The following EML5 variants were observed in gnomAD, a reference collection of about 807,000 sequenced individuals.
EML5 encodes EMAP like 5.
Under a neutral mutation model 250.0 loss-of-function variants are expected in EML5, and 120 were observed. The observed-to-expected ratio is 0.48, with a 90% CI of 0.41 to 0.56. The LOEUF (loss-of-function observed/expected upper bound fraction) is 0.56. EML5 is among the 20% of genes least tolerant of loss of function. EML5 has a pLI of 0.00. For synonymous variants in EML5, 771 were observed against 806.5 expected (o/e 0.96, Z 0.75); for missense variants, 2,006 against 2,437.6 (o/e 0.82, Z 3.73).
intron 1 of EML5, among the ~76,000 whole-genome samples, chr14:88,763,669 A>G (rs1375988998): frequency 6.6e-6 from 1 of 152,252 alleles, no homozygotes; most frequent in African/African-American, 2.4e-5. Context: ...GGCCGGCATC[A>G]TCCTGATACC....
rs760364509 is a variant in EML5 at position 88,714,933 on chromosome 14, T to C, written c.1444+6A>G. 2 of 1,608,948 alleles carry C rather than the reference T, an allele frequency of 1.2e-6. No homozygotes were observed. The highest frequency in any genetic ancestry group is 1.7e-6 in the Non-Finnish European group (2 of 1,177,450). ...TACAAATCTATAATTTGCTAGAAAT[T>C]GTTACCTGGCATTCTATAAAAAAGT... On this transcript the variant is annotated splice_donor_region_variant and intron_variant, in intron 9 of 43. Coordinates refer to ENST00000554922, the MANE Select transcript of EML5 (RefSeq NM_183387.3).
Position 88,744,094 on chromosome 14 carries a change from G to A in EML5, c.457-3C>T. 1 of 1,553,044 alleles carries A rather than the reference G, an allele frequency of 6.4e-7. No homozygotes were observed. Among genetic ancestry groups the A allele is most frequent in the South Asian group, 1.2e-5 (1 of 83,262 alleles). ...AAATCCCAAGAAATATCAAATATCT[G>A]TAAACAAATCAGATTCATGATTAAA... On this transcript the variant is annotated splice_polypyrimidine_tract_variant and splice_region_variant and intron_variant, in intron 3 of 43. Transcript: ENST00000554922.
chr14:88,761,676 T>C (rs2094245938), intron 1 of EML5, among the ~76,000 whole-genome samples: 1 of 152,228 alleles, frequency 6.6e-6, no homozygotes, highest in Non-Finnish European at 1.5e-5. Context: ...TGTGTCTTTA[T>C]AGTAGAATGA....
At chr14:88,694,929 T>C (rs1880307793) in intron 16 of EML5, among the ~76,000 whole-genome samples, 1 of 152,066 alleles carries the variant, frequency 6.6e-6, no homozygotes, top group Non-Finnish European at 1.5e-5. Context: ...AAAAAATACA[T>C]GCTCACTGTA....
chr14:88,641,989 C>G (rs961513651), intron 31 of EML5, among the ~76,000 whole-genome samples: 8 of 152,044 alleles, frequency 5.3e-5, no homozygotes, highest in African/African-American at 1.9e-4. Context: ...TTTAAATGGC[C>G]CAAATTATTA....
rs1449520801 is a variant in EML5, at chr14:88,615,143, A to G, written c.*675T>C. ...AGAGATGGCATCTGAACATAAACTG[A>G]TGGCTCGAAAATGAAAATGGAAATG... is the stretch of plus-strand genomic sequence containing the variant. On this transcript the variant is annotated 3_prime_UTR_variant, in exon 44 of 44. Coordinates refer to ENST00000554922, the MANE Select transcript of EML5 (RefSeq NM_183387.3). 1 of 152,194 alleles carries G rather than the reference A, an allele frequency of 6.6e-6. No individual in the cohort carries two copies. The highest frequency in any genetic ancestry group is 2.4e-5 in the African/African-American group (1 of 41,460). 9.4% of individuals were successfully genotyped at this position (152,194 alleles called of 1,614,324 possible). A position where few individuals can be genotyped will look rare whatever the true frequency, so the allele number is the denominator to read the frequency against.
intron 7 of EML5, among the ~76,000 whole-genome samples, chr14:88,727,299 G>C (rs944912902): frequency 6.6e-6 from 1 of 151,934 alleles, no homozygotes; most frequent in African/African-American, 2.4e-5. Flanking sequence ...TTGTAAATGT[G>C]TCACTGAAAT....
intron 9 of EML5, among the ~76,000 whole-genome samples, chr14:88,712,963 C>A (rs749016206): frequency 6.6e-6 from 1 of 152,020 alleles, no homozygotes; most frequent in Admixed American, 6.6e-5. Flanking sequence ...CTTTAGGACC[C>A]GGTCAGTCTT....
chr14:88,791,490 T>A (rs2094607686), intron 1 of EML5, among the ~76,000 whole-genome samples: 1 of 152,206 alleles, frequency 6.6e-6, no homozygotes, highest in African/African-American at 2.4e-5. Flanking sequence ...ACTAAGACAC[T>A]GATTGAAAAT....
intron 4 of EML5, among the ~76,000 whole-genome samples, chr14:88,742,528 T>C (rs936932019): frequency 1.3e-5 from 2 of 152,164 alleles, no homozygotes; most frequent in Non-Finnish European, 2.9e-5. Context: ...TTTATTTAGT[T>C]TGAGATAAGC....
intron 1 of EML5, among the ~76,000 whole-genome samples, chr14:88,768,469 G>A (rs1194371785): frequency 1.3e-5 from 2 of 151,598 alleles, no homozygotes; most frequent in African/African-American, 4.9e-5. Context: ...GGAGTGCAAT[G>A]GCGCAATCTT....
At chr14:88,717,753 T>G (rs1352258038) in intron 8 of EML5, among the ~76,000 whole-genome samples, 1 of 111,888 alleles carries the variant, frequency 8.9e-6, no homozygotes, top group Non-Finnish European at 1.7e-5. Flanking sequence ...AGACTCCGTC[T>G]CAAAACAACA....
At position 88,620,721 on chromosome 14, in the gene EML5, A is replaced by G; in HGVS notation, c.5375+33T>C. 3 of 1,492,432 alleles carry G rather than the reference A, an allele frequency of 2.0e-6. No individual in the cohort carries two copies. The highest frequency in any genetic ancestry group is 2.7e-6 in the Non-Finnish European group (3 of 1,125,594). The allele number at this position is 1,492,432 out of a possible 1,614,324, so 92.4% of individuals were successfully genotyped here. On this transcript the variant is annotated intron_variant, in intron 39 of 43. Coordinates refer to ENST00000554922, the MANE Select transcript of EML5 (RefSeq NM_183387.3). The surrounding 1 kb of genome is among the most constrained non-coding windows in gnomAD (Gnocchi z 4.3). Reference sequence around the variant, plus strand: ...TACAAATGGAAGTTAAATCAAGTATATACTAGAAACTCTATTCCATTTGTT... The same window carrying G: ...TACAAATGGAAGTTAAATCAAGTATGTACTAGAAACTCTATTCCATTTGTT...
At chr14:88,791,841 G>A (rs896780613) in intron 1 of EML5, among the ~76,000 whole-genome samples, 1 of 152,176 alleles carries the variant, frequency 6.6e-6, no homozygotes, top group Admixed American at 6.5e-5. Context: ...GAGCCCTTCA[G>A]GACGCCACCC....
rs773012172 is a variant in EML5, at chr14:88,738,976, A to G, written c.750T>C (p.Phe250=). The G allele has an allele frequency of 1.2e-6, 2 of 1,609,766 alleles. No individual in the cohort carries two copies. The highest frequency in any genetic ancestry group is 4.5e-5 in the East Asian group (2 of 44,778). The part of the protein sequence containing the change: ...IFSMNACEEG[F]ATGGRDGCIR... ...TACAACCATCTCTGCCACCAGTAGC[A>G]AAGCCTTCTTCACAAGCATTCATGC... The change falls in exon 6 of 44, where the codon TTT becomes TTC. Residue 250 remains phenylalanine (F), a synonymous_variant. Transcript: ENST00000554922.
intron 7 of EML5, among the ~76,000 whole-genome samples, chr14:88,732,256 AG>A (rs1450539023): frequency 2.6e-5 from 4 of 152,148 alleles, no homozygotes; most frequent in African/African-American, 9.7e-5. Context: ...GGTGTAAGGA[AG>A]GGATCCAGTT....
chr14:88,692,454 G>A (rs1438043794), intron 17 of EML5, among the ~76,000 whole-genome samples: 1 of 152,114 alleles, frequency 6.6e-6, no homozygotes, highest in Non-Finnish European at 1.5e-5. Flanking sequence ...CTAAACAACA[G>A]TACAACAAAC....
chr14:88,716,144 C>T (rs2093489607), intron 8 of EML5, among the ~76,000 whole-genome samples: 1 of 152,054 alleles, frequency 6.6e-6, no homozygotes, highest in Admixed American at 6.6e-5. Flanking sequence ...TACACATGTG[C>T]AAGAATTAAT....
At chr14:88,654,964 T>C (rs1192724040) in intron 27 of EML5, among the ~76,000 whole-genome samples, 1 of 152,176 alleles carries the variant, frequency 6.6e-6, no homozygotes, top group African/African-American at 2.4e-5. Flanking sequence ...TGCTCCTGTA[T>C]TGGGTGCATA....
Sources: allele counts gnomAD v4.1 joint callset (sites outside exome capture counted in the v4.1 genomes callset), GRCh38; gene constraint gnomAD v4.1.1; non-coding constraint Gnocchi (gnomAD v3.1); transcripts MANE v1.5; gene names NCBI Gene and HGNC (gene_info 2026-07-23, HGNC 2026-07-21).